TLR1: variants seen among roughly 807,000 people sequenced by gnomAD.
TLR1 encodes the protein toll like receptor 1.
A neutral mutation model predicts 20.2 loss-of-function variants in TLR1; 19 were observed. The ratio of observed to expected loss-of-function variants is 0.94; its 90% CI spans 0.66 to 1.38. TLR1 has a LOEUF of 1.38. TLR1 is among the 40% of genes most tolerant of loss of function. TLR1 has a pLI of 0.00. For synonymous variants in TLR1, 320 were observed against 334.5 expected, an observed-to-expected ratio of 0.96 and a Z score of 0.47; for missense variants, 921 against 910.0, an observed-to-expected ratio of 1.01 and a Z score of -0.16.
At chr4:38,795,385 T>C (rs1323504535), downstream of TLR1, among the ~76,000 whole-genome samples, 11 of 152,312 alleles carry the variant, frequency 7.2e-5, no homozygotes, top group East Asian at 2.1e-3. Flanking sequence ...GTTTGATGGG[T>C]ATGAAAAGCA....
At position 38,797,083 on chromosome 4, in the gene TLR1, G is replaced by A. The variant is rs776860609; in HGVS notation, c.1749C>T (p.Ile583=). The A allele has an allele frequency of 6.2e-6, 10 of 1,614,204 alleles. No individual in the cohort carries two copies. The highest frequency in any genetic ancestry group is 1.6e-4 in the Middle Eastern group (1 of 6,062). Residue 583 remains isoleucine (I), a synonymous_variant, in exon 4 of 4, where the codon ATC becomes ATT. Transcript: ENST00000308979. ...CCAGCATGGTGGCAACGATGGTGAC[G>A]ATCAGCAGAGTTATGTTGCAGGATA... is the stretch of plus-strand genomic sequence containing the variant. ...SELSCNITLL[I]VTIVATMLVL... is the part of the protein sequence containing the mutation.
downstream of TLR1, among the ~76,000 whole-genome samples, chr4:38,792,514 C>T (rs116159776): frequency 0.026 from 3,908 of 152,178 alleles, 172 homozygotes; most frequent in African/African-American, 0.085. Context: ...TGCCTGGGCT[C>T]AAGCGATCCT....
Position 38,796,845 on chromosome 4 carries a change from C to T in TLR1, c.1987G>A (p.Gly663Ser). The T allele has an allele frequency of 6.2e-7, 1 of 1,614,218 alleles. No homozygotes were observed. The highest frequency in any genetic ancestry group is 8.5e-7 in the Non-Finnish European group (1 of 1,180,048). Reference protein sequence around the residue: ...NELLPNLEKEGMQICLHERNF... With the variant: ...NELLPNLEKESMQICLHERNF... ...CTCTCATGAAGGCAAATCTGCATAC[C>T]TTCTTTCTCTAGGTTTGGCAATAAT... Residue 663 changes from glycine to serine, a missense_variant, in exon 4 of 4, where the codon GGT becomes AGT. By Grantham distance (56) the Gly-to-Ser change is moderately conservative (BLOSUM62 0). Coordinates refer to ENST00000308979, the MANE Select transcript of TLR1 (RefSeq NM_003263.4).
Position 38,798,856 on chromosome 4 carries a change from G to C in TLR1, c.-25C>G, listed in dbSNP as rs1163757249. 6.6e-7 allele frequency: 1 copy of C among 1,512,292 alleles called. No individual in the cohort carries two copies. The highest frequency in any genetic ancestry group is 8.9e-7 in the Non-Finnish European group (1 of 1,121,482). The allele number at this position is 1,512,292 out of a possible 1,614,324, so 93.7% of individuals were successfully genotyped here. On this transcript the variant is annotated 5_prime_UTR_variant, in exon 4 of 4. Coordinates refer to ENST00000308979, the MANE Select transcript of TLR1 (RefSeq NM_003263.4). ...TTTTGGAACACTAGACATTCCTAAA[G>C]GTAGAAGCTGTTCTTCAGATCATCT...
rs370332202 is a variant in TLR1 at position 38,797,980 on chromosome 4, C to G, written c.852G>C (p.Gln284His). 1 of 1,614,188 alleles carries G rather than the reference C, an allele frequency of 6.2e-7. No homozygotes were observed. The highest frequency in any genetic ancestry group is 8.5e-7 in the Non-Finnish European group (1 of 1,180,034). ...CAAAATCTCTGAAGTCCAGCTGACC[C>G]TGTAGCTTCACGTTTGAAATTGAGA... ...WYFSISNVKLQGQLDFRDFDY... is the reference protein window; with the variant it reads ...WYFSISNVKLHGQLDFRDFDY... The change falls in exon 4 of 4, where the codon CAG becomes CAC. Residue 284 changes from glutamine to histidine, a missense_variant. Gln to His is a conservative substitution (Grantham distance 24). Transcript: ENST00000308979.
intron 2 of TLR1, among the ~76,000 whole-genome samples, chr4:38,801,439 T>C (rs963040558): frequency 1.3e-5 from 2 of 152,216 alleles, no homozygotes; most frequent in African/African-American, 4.8e-5. Flanking sequence ...GGTACTTTGT[T>C]ACAGCAATTT....
downstream of TLR1, among the ~76,000 whole-genome samples, chr4:38,791,552 G>A (rs1025656805): frequency 1.3e-5 from 2 of 151,952 alleles, no homozygotes; most frequent in African/African-American, 4.8e-5. Flanking sequence ...TGCCTCATTT[G>A]TTCATTCGCT....
downstream of TLR1, among the ~76,000 whole-genome samples, chr4:38,796,044 T>C (rs1726025574): frequency 6.6e-6 from 1 of 152,184 alleles, no homozygotes; most frequent in Non-Finnish European, 1.5e-5. Flanking sequence ...CAGCCATCAA[T>C]AAGTTGAGTT....
In TLR1 at chr4:38,796,891, A is replaced by G; in HGVS notation, c.1941T>C (p.Asp647=). The G allele has an allele frequency of 6.2e-7, 1 of 1,614,232 alleles. No homozygotes were observed. Among genetic ancestry groups the G allele is most frequent in the South Asian group, 1.1e-5 (1 of 91,084 alleles). ...ATAATTCATTCTTCACCCAGAAAGAATCGTGCCCACTATATGAAATAAATG... is the reference window on the plus strand; with the variant it reads ...ATAATTCATTCTTCACCCAGAAAGAGTCGTGCCCACTATATGAAATAAATG... The part of the protein sequence containing the change: ...FHAFISYSGH[D]SFWVKNELLP... Residue 647 remains aspartate, a synonymous_variant, in exon 4 of 4, where the codon GAT becomes GAC. Transcript: ENST00000308979.
chr4:38,805,469 G>T (rs921946279), upstream of TLR1: 7 of 152,132 alleles, frequency 4.6e-5, no homozygotes, highest in Non-Finnish European at 8.8e-5. Context: ...AAAAATCCTG[G>T]GGTTTGTTGA....
At chr4:38,802,657 A>C (rs1726749998) in intron 2 of TLR1, among the ~76,000 whole-genome samples, 1 of 152,184 alleles carries the variant, frequency 6.6e-6, no homozygotes, top group Non-Finnish European at 1.5e-5. Context: ...GCCCTCCTCC[A>C]AGTGTACTTT....
In TLR1 at chr4:38,798,221, A is replaced by C; in HGVS notation, c.611T>G (p.Phe204Cys). 1 of 1,613,910 alleles carries C rather than the reference A, an allele frequency of 6.2e-7. No individual in the cohort carries two copies. Among genetic ancestry groups the C allele is most frequent in the Non-Finnish European group, 8.5e-7 (1 of 1,179,848 alleles). ...AGTCTTGACTGACACATCCAAAATAAAATGGAATTCTTTGTTTGTGGGGAA... is the reference window on the plus strand; with the variant it reads ...AGTCTTGACTGACACATCCAAAATACAATGGAATTCTTTGTTTGTGGGGAA... ...IVFPTNKEFH[F>C]ILDVSVKTVA... Residue 204 changes from phenylalanine to cysteine, a missense_variant, in exon 4 of 4, where the codon TTT becomes TGT. Phe to Cys is a radical substitution (Grantham distance 205). Transcript: ENST00000308979.
chr4:38,801,316 C>T (rs1308667115), intron 2 of TLR1, among the ~76,000 whole-genome samples: 23 of 152,176 alleles, frequency 1.5e-4, no homozygotes, highest in Admixed American at 1.5e-3. Flanking sequence ...AGGAGGCATC[C>T]GCAAACCAGA....
downstream of TLR1, among the ~76,000 whole-genome samples, chr4:38,795,162 T>G (rs190945680): frequency 2.0e-5 from 3 of 152,262 alleles, no homozygotes; most frequent in African/African-American, 7.2e-5. Flanking sequence ...ATGTATATAA[T>G]GCTTCCCATC....
downstream of TLR1, among the ~76,000 whole-genome samples, chr4:38,791,635 G>C (rs1393865515): frequency 3.9e-5 from 6 of 152,018 alleles, no homozygotes; most frequent in Non-Finnish European, 8.8e-5. Context: ...ATCTTAGAAA[G>C]CCCAGGATAA....
At chr4:38,804,417 A>C (rs1365772529) in intron 1 of TLR1, 35 bp from the exon 2 acceptor site, 1 of 152,254 alleles carries the variant, frequency 6.6e-6, no homozygotes, top group Non-Finnish European at 1.5e-5. Context: ...GATTAGGTGA[A>C]GAGAAATGCT....
chr4:38,792,853 T>TTATATA (rs72518392), downstream of TLR1, among the ~76,000 whole-genome samples: 106 of 122,242 alleles, frequency 8.7e-4, 4 homozygotes, highest in East Asian at 3.5e-3. Context: ...TATTTTCAAA[T>TTATATA]TATATATATA....
chr4:38,795,732 T>C (rs987632545), downstream of TLR1, among the ~76,000 whole-genome samples: 1 of 152,076 alleles, frequency 6.6e-6, no homozygotes, highest in South Asian at 2.1e-4. Flanking sequence ...AATAAGTAAG[T>C]GAGAAAAAAA....
In TLR1 at chr4:38,798,639, T is replaced by C; in HGVS notation, c.193A>G (p.Ile65Val). The C allele has an allele frequency of 1.2e-6, 2 of 1,613,882 alleles. No individual in the cohort carries two copies. The highest frequency in any genetic ancestry group is 1.7e-6 in the Non-Finnish European group (2 of 1,179,846). Reference protein sequence around the residue: ...NYISELWTSDILSLSKLRILI... With the variant: ...NYISELWTSDVLSLSKLRILI... ...ATCCTCAGTTTTGACAGTGATAAGA[T>C]GTCAGAAGTCCAAAGCTCAGATATA... Residue 65 changes from isoleucine to valine, a missense_variant, in exon 4 of 4, where the codon ATC (isoleucine) becomes GTC (valine). Transcript: ENST00000308979.
Sources: allele counts gnomAD v4.1 joint callset (sites outside exome capture counted in the v4.1 genomes callset), GRCh38; gene constraint gnomAD v4.1.1; transcripts MANE v1.5; gene names NCBI Gene and HGNC (gene_info 2026-07-23, HGNC 2026-07-21).